Variants in LRMDA observed in about 807,000 individuals in gnomAD.
LRMDA encodes the protein leucine-rich melanocyte differentiation-associated protein.
A neutral mutation model predicts 29.8 loss-of-function variants in LRMDA; 18 were observed. The observed-to-expected ratio is 0.60, with a 90% CI of 0.42 to 0.90. The LOEUF (loss-of-function observed/expected upper bound fraction) is 0.90. Among genes scored for constraint, LRMDA ranks in the 40% least tolerant of loss-of-function variants. The pLI, the probability that LRMDA is intolerant of heterozygous loss-of-function variation, is 0.00. For missense variants in LRMDA, 273 were observed against 273.9 expected (o/e 1.00, Z 0.02); for synonymous variants, 125 against 109.4 (o/e 1.14, Z -0.89).
At chr10:76,340,767 TACA>T (rs1311444743) in intron 6 of LRMDA, among the ~76,000 whole-genome samples, 2 of 152,006 alleles carry the variant, frequency 1.3e-5, no homozygotes, top group African/African-American at 4.8e-5. Flanking sequence ...CAATGAGATA[TACA>T]ACAACAACAC....
intron 5 of LRMDA, among the ~76,000 whole-genome samples, chr10:76,238,728 GTGA>G (rs72006018): frequency 0.1 from 15,757 of 151,850 alleles, 1,814 homozygotes; most frequent in East Asian, 0.61. Flanking sequence ...AATAATAATT[GTGA>G]TGATGATGAT....
At chr10:75,517,939 G>C (rs952374324) in intron 2 of LRMDA, among the ~76,000 whole-genome samples, 1 of 152,100 alleles carries the variant, frequency 6.6e-6, no homozygotes, top group African/African-American at 2.4e-5. Context: ...GGAGTTTTCT[G>C]CATCTATTGA....
intron 5 of LRMDA, among the ~76,000 whole-genome samples, chr10:76,144,693 C>G (rs1321030865): frequency 6.6e-6 from 1 of 152,084 alleles, no homozygotes; most frequent in Non-Finnish European, 1.5e-5. Flanking sequence ...TTTCCTTCTC[C>G]TGCCTGATTG....
At chr10:75,627,892 A>G (rs1841272132) in intron 2 of LRMDA, among the ~76,000 whole-genome samples, 1 of 152,230 alleles carries the variant, frequency 6.6e-6, no homozygotes, top group African/African-American at 2.4e-5. Flanking sequence ...AATCGCAAAA[A>G]TAATCATGTT....
intron 6 of LRMDA, among the ~76,000 whole-genome samples, chr10:76,381,591 G>T (rs74148462): frequency 0.021 from 3,228 of 152,238 alleles, 128 homozygotes; most frequent in African/African-American, 0.072. Context: ...TCACATGGAA[G>T]TAGACATATA....
chr10:76,373,326 A>G (rs1841477469), intron 6 of LRMDA, among the ~76,000 whole-genome samples: 1 of 152,164 alleles, frequency 6.6e-6, no homozygotes, highest in Admixed American at 6.6e-5. Flanking sequence ...CGATGTGAGG[A>G]AAAAAAGAGT....
intron 6 of LRMDA, among the ~76,000 whole-genome samples, chr10:76,536,570 G>T (rs1843293446): frequency 6.6e-6 from 1 of 151,964 alleles, no homozygotes; most frequent in South Asian, 2.1e-4. Flanking sequence ...CAAAAGCCCA[G>T]GTCAATTTCA....
chr10:76,087,213 G>A (rs117933496), intron 5 of LRMDA, among the ~76,000 whole-genome samples: 158 of 152,232 alleles, frequency 1.0e-3, no homozygotes, highest in South Asian at 2.5e-3. Context: ...GAAAACAGAG[G>A]TCAGGTACTA....
chr10:76,123,168 C>T (rs980807004), intron 5 of LRMDA, among the ~76,000 whole-genome samples: 1 of 152,054 alleles, frequency 6.6e-6, no homozygotes, highest in Non-Finnish European at 1.5e-5. Context: ...GGATTGAATT[C>T]TACTGGGTCA....
chr10:76,427,212 A>G (rs576895373), intron 6 of LRMDA, among the ~76,000 whole-genome samples: 7,927 of 146,752 alleles, frequency 0.054, 341 homozygotes, highest in Middle Eastern at 0.12. Context: ...CCATTTTCAC[A>G]ATTTTATTCT....
chr10:76,034,032 T>C (rs79809223), intron 2 of LRMDA, among the ~76,000 whole-genome samples: 2,384 of 152,224 alleles, frequency 0.016, 51 homozygotes, highest in Non-Finnish European at 0.019. Context: ...CCTTCACTTA[T>C]TCTCGACAAG....
intron 2 of LRMDA, among the ~76,000 whole-genome samples, chr10:75,673,789 T>G (rs899301692): frequency 6.6e-6 from 1 of 152,236 alleles, no homozygotes; most frequent in Admixed American, 6.5e-5. Context: ...TGCTTTATTC[T>G]CATTTCTCAC....
At chr10:76,502,454 A>G (rs547130393) in intron 6 of LRMDA, among the ~76,000 whole-genome samples, 58 of 152,042 alleles carry the variant, frequency 3.8e-4, no homozygotes, top group African/African-American at 1.3e-3. Flanking sequence ...TTTGGGCAGT[A>G]TGGCCATTTT....
chr10:75,495,173 G>A (rs2132064191), intron 2 of LRMDA, among the ~76,000 whole-genome samples: 1 of 152,216 alleles, frequency 6.6e-6, no homozygotes, highest in South Asian at 2.1e-4. Flanking sequence ...TATTGGGGTA[G>A]GCCACCTGTA....
intron 2 of LRMDA, among the ~76,000 whole-genome samples, chr10:75,897,352 A>G (rs912046849): frequency 6.6e-6 from 1 of 152,178 alleles, no homozygotes; most frequent in Non-Finnish European, 1.5e-5. Flanking sequence ...TTTCTAATCA[A>G]GATCATAGTC....
At chr10:76,244,411 T>A (rs1262050103) in intron 5 of LRMDA, among the ~76,000 whole-genome samples, 7 of 152,158 alleles carry the variant, frequency 4.6e-5, no homozygotes, top group Non-Finnish European at 5.9e-5. Flanking sequence ...TGAAGAATGT[T>A]CCATTCTTCA....
chr10:76,185,706 G>A (rs1366950712), intron 5 of LRMDA, among the ~76,000 whole-genome samples: 1 of 152,190 alleles, frequency 6.6e-6, no homozygotes, highest in Non-Finnish European at 1.5e-5. Flanking sequence ...TTTGTATCCA[G>A]ACATCGTTGA....
chr10:75,973,331 A>G (rs975087087), intron 2 of LRMDA, among the ~76,000 whole-genome samples: 1 of 152,096 alleles, frequency 6.6e-6, no homozygotes, highest in African/African-American at 2.4e-5. Context: ...TGCAGTTCTC[A>G]TATGCCATCA....
At chr10:76,411,730 G>T (rs552191911) in intron 6 of LRMDA, among the ~76,000 whole-genome samples, 1 of 152,252 alleles carries the variant, frequency 6.6e-6, no homozygotes, top group South Asian at 2.1e-4. Context: ...CAGCAGTGGG[G>T]GATGGAGCCA....
Sources: gnomAD v4.1 joint callset for allele counts (sites outside exome capture counted in the v4.1 genomes callset) on GRCh38, gnomAD v4.1.1 for gene constraint, MANE v1.5 for transcripts, NCBI Gene and HGNC (gene_info 2026-07-23, HGNC 2026-07-21) for gene names.